TUSC3: variants seen among roughly 807,000 people sequenced by gnomAD.
TUSC3 encodes dolichyl-diphosphooligosaccharide--protein glycosyltransferase subunit TUSC3.
Under a neutral mutation model 44.8 loss-of-function variants are expected in TUSC3, and 45 were observed. That is an observed-to-expected ratio of 1.00 (90% CI 0.79 to 1.29). The LOEUF (loss-of-function observed/expected upper bound fraction) is 1.29, where lower values mean the gene tolerates loss of function less well. Among genes scored for constraint, TUSC3 ranks in the 50% most tolerant of loss-of-function variants. The pLI is 0.00. For missense variants in TUSC3, 519 were observed against 437.9 expected (o/e 1.19, Z -1.65); for synonymous variants, 212 against 152.9 (o/e 1.39, Z -2.85).
intron 8 of TUSC3, among the ~76,000 whole-genome samples, chr8:15,748,111 T>G (rs1274999003): frequency 6.6e-6 from 1 of 152,050 alleles, no homozygotes; most frequent in African/African-American, 2.4e-5. Context: ...TCCAGAAGAC[T>G]TAGATCAGTC....
At chr8:15,617,656 A>C (rs978849641) in intron 1 of TUSC3, among the ~76,000 whole-genome samples, 3 of 152,192 alleles carry the variant, frequency 2.0e-5, no homozygotes, top group African/African-American at 7.2e-5. Context: ...AAATAACTTG[A>C]GTATGTTATT....
intron 1 of TUSC3, among the ~76,000 whole-genome samples, chr8:15,615,133 C>A (rs573538129): frequency 6.6e-6 from 1 of 152,114 alleles, no homozygotes; most frequent in South Asian, 2.1e-4. Context: ...GAAAGGAAAT[C>A]AGTGTATCAA....
At chr8:15,572,253 A>G (rs1428945484) in intron 1 of TUSC3, among the ~76,000 whole-genome samples, 1 of 152,144 alleles carries the variant, frequency 6.6e-6, no homozygotes, top group East Asian at 1.9e-4. Context: ...TGCAGCATAA[A>G]CACTTGCTGC....
chr8:15,443,335 ATTGT>A (rs1563252068), intron 1 of TUSC3, among the ~76,000 whole-genome samples: 3 of 75,000 alleles, frequency 4.0e-5, no homozygotes, highest in East Asian at 1.1e-3. Context: ...CACCCACCTA[ATTGT>A]GTGTGTGTGT....
intron 10 of TUSC3, among the ~76,000 whole-genome samples, chr8:15,762,410 G>C (rs1382935817): frequency 6.6e-6 from 1 of 151,780 alleles, no homozygotes; most frequent in Non-Finnish European, 1.5e-5. Flanking sequence ...AAAAACAGTA[G>C]CATAACTAAA....
intron 1 of TUSC3, among the ~76,000 whole-genome samples, chr8:15,419,725 C>T (rs905951120): frequency 3.9e-5 from 6 of 152,140 alleles, no homozygotes; most frequent in Non-Finnish European, 4.4e-5. Context: ...CTTTATACAG[C>T]TTGTCTTTGG....
intron 1 of TUSC3, among the ~76,000 whole-genome samples, chr8:15,595,700 G>A (rs539839678): frequency 6.6e-6 from 1 of 152,134 alleles, no homozygotes; most frequent in South Asian, 2.1e-4. Flanking sequence ...AGAAATGGGA[G>A]GAAGTCATTT....
In TUSC3 at chr8:15,748,403, G is replaced by A. The variant is rs753561542; in HGVS notation, c.966G>A (p.Val322=). 1.2e-6 allele frequency: 2 copies of A among 1,613,412 alleles called. No homozygotes were observed. Among genetic ancestry groups the A allele is most frequent in the Non-Finnish European group, 1.7e-6 (2 of 1,179,558 alleles). ...RIICLVGLGL[V]VFFFSFLLSI... is the part of the protein sequence containing the mutation. ...TTTGCCTAGTGGGATTGGGCCTGGT[G>A]GTCTTCTTCTTCAGTTTTCTACTTT... The change falls in exon 9 of 11, where the codon GTG becomes GTA. Residue 322 remains valine (V), a synonymous_variant. Transcript: ENST00000503731.
At position 15,547,856 on chromosome 8, in the gene TUSC3, C is replaced by T. The variant is rs547612048; in HGVS notation, c.138+7288C>T. ...TGAAGGGGAAAGAAAATTTATTTTT[C>T]ACTTTCAAATATCAAACTTGGTAGG... On this transcript the variant is annotated intron_variant, in intron 1 of 10. Coordinates refer to ENST00000503731, the MANE Select transcript of TUSC3 (RefSeq NM_006765.4). Among the ~76,000 whole-genome samples, 26 of 151,784 alleles carry T rather than the reference C, an allele frequency of 1.7e-4. 1 individual carries two copies. In the South Asian group the frequency reaches 5.0e-3, roughly 29 times the overall value.
At chr8:15,760,512 G>C (rs1462702991) in intron 10 of TUSC3, among the ~76,000 whole-genome samples, 1 of 152,152 alleles carries the variant, frequency 6.6e-6, no homozygotes, top group Non-Finnish European at 1.5e-5. Context: ...ACAAGACTAA[G>C]TAACTGCTGT....
intron 1 of TUSC3, among the ~76,000 whole-genome samples, chr8:15,480,639 G>C (rs1191795121): frequency 1.3e-5 from 2 of 152,084 alleles, no homozygotes; most frequent in Non-Finnish European, 2.9e-5. Context: ...TTCCCTCCTT[G>C]GCTTGCAGAT....
the TUSC3 span, among the ~76,000 whole-genome samples, chr8:15,816,796 A>C: frequency 1.3e-5 from 2 of 152,332 alleles, no homozygotes; most frequent in South Asian, 2.1e-4. Context: ...ACGTCATACA[A>C]ATGATACAAT....
At chr8:15,649,708 T>G (rs1490193826) in intron 2 of TUSC3, among the ~76,000 whole-genome samples, 1 of 152,170 alleles carries the variant, frequency 6.6e-6, no homozygotes, top group Non-Finnish European at 1.5e-5. Flanking sequence ...CACTGCAATC[T>G]CCTTTGAGAG....
the TUSC3 span, among the ~76,000 whole-genome samples, chr8:15,800,515 G>A: frequency 2.0e-5 from 3 of 151,820 alleles, no homozygotes; most frequent in Non-Finnish European, 4.4e-5. Context: ...TGAGGCTGCA[G>A]TGAGCTGAGA....
chr8:15,701,940 G>T (rs1809424154), intron 6 of TUSC3, among the ~76,000 whole-genome samples: 1 of 152,164 alleles, frequency 6.6e-6, no homozygotes, highest in Admixed American at 6.6e-5. Flanking sequence ...GCCAGGCAAA[G>T]ATTTCCTTGA....
chr8:15,744,704 AAGG>A (rs202120381), intron 8 of TUSC3, among the ~76,000 whole-genome samples: 2 of 115,054 alleles, frequency 1.7e-5, no homozygotes, highest in African/African-American at 6.5e-5. Flanking sequence ...CTACAAAAGA[AAGG>A]AGATTACTTT....
chr8:15,581,823 C>T (rs1232021584), intron 1 of TUSC3, among the ~76,000 whole-genome samples: 1 of 128,792 alleles, frequency 7.8e-6, no homozygotes, highest in African/African-American at 3.4e-5. Flanking sequence ...AGGCAGGCCT[C>T]CTTGAGCTGT....
At chr8:15,652,117 A>AAT (rs1419162346) in intron 3 of TUSC3, among the ~76,000 whole-genome samples, 1 of 152,138 alleles carries the variant, frequency 6.6e-6, no homozygotes. Flanking sequence ...TATTTTTTAA[A>AAT]ATGTTTTTAC....
chr8:15,641,776 C>T (rs1441836124), intron 2 of TUSC3, among the ~76,000 whole-genome samples: 1 of 152,174 alleles, frequency 6.6e-6, no homozygotes, highest in East Asian at 1.9e-4. Context: ...GTTCTTTCTA[C>T]TTGGCCACAT....
Sources: allele counts gnomAD v4.1 joint callset (sites outside exome capture counted in the v4.1 genomes callset), GRCh38; gene constraint gnomAD v4.1.1; transcripts MANE v1.5; gene names NCBI Gene and HGNC (gene_info 2026-07-23, HGNC 2026-07-21).